Variants in IGSF11 observed in about 807,000 individuals in gnomAD.
The protein encoded by IGSF11 is immunoglobulin superfamily member 11.
In IGSF11, 22 loss-of-function variants were observed where a neutral mutation model predicts 41.0. The ratio of observed to expected loss-of-function variants is 0.54; its 90% CI spans 0.38 to 0.77. IGSF11 has a LOEUF of 0.77. Ranked by LOEUF, IGSF11 falls within the 30% of genes least tolerant of loss-of-function variation. The pLI is 0.00. For missense variants in IGSF11, 444 were observed against 530.8 expected (o/e 0.84, Z 1.61); for synonymous variants, 219 against 201.3 (o/e 1.09, Z -0.74).
chr3:119,085,118 TC>T (rs1559858767), intron 1 of IGSF11, among the ~76,000 whole-genome samples: 1 of 151,968 alleles, frequency 6.6e-6, no homozygotes, highest in Non-Finnish European at 1.5e-5. Context: ...GGGAGGTGGC[TC>T]CCCCAAGGCT....
chr3:119,012,983 C>T (rs1439120402), intron 1 of IGSF11: 1 of 152,396 alleles, frequency 6.6e-6, no homozygotes, highest in Non-Finnish European at 1.5e-5. Flanking sequence ...CATCTCCAGC[C>T]TCTGCTCCCC....
upstream of IGSF11, chr3:119,034,893 C>T (rs1940802466): frequency 1.8e-6 from 2 of 1,088,362 alleles, no homozygotes; most frequent in African/African-American, 1.6e-5. Flanking sequence ...CCAACTCACG[C>T]CCCGCTACTC....
At chr3:119,121,273 A>C (rs1044910267) in intron 1 of IGSF11, among the ~76,000 whole-genome samples, 2 of 152,194 alleles carry the variant, frequency 1.3e-5, no homozygotes, top group East Asian at 3.8e-4. Flanking sequence ...AGCTACTATT[A>C]ATGTGTCCAA....
At chr3:119,055,965 C>G (rs1941816272) in intron 1 of IGSF11, among the ~76,000 whole-genome samples, 1 of 152,098 alleles carries the variant, frequency 6.6e-6, no homozygotes, top group South Asian at 2.1e-4. Flanking sequence ...GGGACACGTT[C>G]AAAGCAGTGT....
intron 1 of IGSF11, among the ~76,000 whole-genome samples, chr3:119,079,780 G>A (rs756590363): frequency 8.5e-5 from 13 of 152,174 alleles, no homozygotes; most frequent in Non-Finnish European, 1.9e-4. Flanking sequence ...ATTAATTCAG[G>A]AACAGAACAT....
At position 119,088,613 on chromosome 3, in the gene IGSF11, T is replaced by C. The variant is rs2076715532; in HGVS notation, c.49+16531A>G. Among the ~76,000 whole-genome samples, 4 of 152,148 alleles carry C rather than the reference T, an allele frequency of 2.6e-5. No individual in the cohort carries two copies. In the South Asian group the frequency reaches 8.3e-4, roughly 32 times the overall value. The stretch of plus-strand genomic sequence containing the variant: ...AAAAAACTAAAATTTGAGAACTTAA[T>C]GAAACTGACATGCAAAAATCCATAC... On this transcript the variant is annotated intron_variant, in intron 1 of 6. Transcript: ENST00000354673.
chr3:118,912,711 A>G (rs78957755), intron 4 of IGSF11, among the ~76,000 whole-genome samples: 1 of 152,226 alleles, frequency 6.6e-6, no homozygotes, highest in Non-Finnish European at 1.5e-5. Flanking sequence ...CACAACAAAC[A>G]GGAGGATTAG....
intron 1 of IGSF11, among the ~76,000 whole-genome samples, chr3:118,986,795 A>G (rs1480302525): frequency 6.6e-6 from 1 of 152,232 alleles, no homozygotes; most frequent in Non-Finnish European, 1.5e-5. Flanking sequence ...AAGAACACAG[A>G]AATTGAGCAA....
At chr3:119,023,324 G>C (rs560631612) in intron 1 of IGSF11, among the ~76,000 whole-genome samples, 2 of 124,242 alleles carry the variant, frequency 1.6e-5, no homozygotes, top group South Asian at 5.4e-4. Flanking sequence ...ATAGTAAGAA[G>C]ATCACGAAGA....
At chr3:119,111,072 G>A (rs1156467574) in intron 1 of IGSF11, among the ~76,000 whole-genome samples, 37 of 151,950 alleles carry the variant, frequency 2.4e-4, no homozygotes, top group Admixed American at 2.4e-3. Flanking sequence ...ATGTGTCTTG[G>A]AGTTGCTCTT....
intron 1 of IGSF11, among the ~76,000 whole-genome samples, chr3:119,014,050 G>A (rs1294795811): frequency 3.3e-5 from 5 of 152,224 alleles, no homozygotes; most frequent in Non-Finnish European, 5.9e-5. Flanking sequence ...AGTGGAAGCT[G>A]AGCTTCATCT....
chr3:119,047,609 A>G lies in IGSF11; in HGVS notation c.49+57535T>C, dbSNP rs1303047901. Among the ~76,000 whole-genome samples, 4 of 152,176 alleles carry G rather than the reference A, an allele frequency of 2.6e-5. No homozygotes were observed. In the East Asian group the frequency reaches 5.8e-4, roughly 22 times the overall value. ...CCAATGAGACAGAAAGTCAACAAGG[A>G]TACCCAGGAATTGAACTCAGCTCTG... On this transcript the variant is annotated intron_variant, in intron 1 of 6. Transcript: ENST00000354673.
chr3:118,947,713 A>G (rs1944263423), intron 1 of IGSF11: 1 of 152,190 alleles, frequency 6.6e-6, no homozygotes, highest in Non-Finnish European at 1.5e-5. Flanking sequence ...ACATTACCAG[A>G]TTCCTAAACA....
rs111285368 is a variant in IGSF11 at position 118,942,433 on chromosome 3, A to G, written c.53-12158T>C. On this transcript the variant is annotated intron_variant, in intron 1 of 6. Coordinates refer to ENST00000393775, the MANE Select transcript of IGSF11 (RefSeq NM_001015887.3). ...TATCTGTGCTAGCAATAGAAGCTCAACATAGAACTTGTTCTGTCACGTTTC... is the reference window on the plus strand; with the variant it reads ...TATCTGTGCTAGCAATAGAAGCTCAGCATAGAACTTGTTCTGTCACGTTTC... Among the ~76,000 whole-genome samples, 1,297 of 152,336 alleles carry G rather than the reference A, an allele frequency of 8.5e-3. 25 individuals are homozygous for G. Among genetic ancestry groups the G allele is most frequent in the African/African-American group, 0.03 (1,243 of 41,576 alleles).
intron 1 of IGSF11, among the ~76,000 whole-genome samples, chr3:119,114,723 G>A (rs2077232456): frequency 1.3e-5 from 2 of 152,098 alleles, no homozygotes; most frequent in Non-Finnish European, 2.9e-5. Context: ...CTGTTACCCA[G>A]TTTCAAAGTT....
intron 1 of IGSF11, among the ~76,000 whole-genome samples, chr3:119,142,081 C>T (rs966790687): frequency 3.3e-5 from 5 of 152,026 alleles, no homozygotes; most frequent in African/African-American, 1.2e-4. Context: ...CAAAACCATC[C>T]TGACTAACAC....
At chr3:118,930,388 G>C in intron 1 of IGSF11, 113 bp from the exon 2 acceptor site, 1 of 1,016,966 alleles carries the variant, frequency 9.8e-7, no homozygotes, top group South Asian at 2.3e-5. Flanking sequence ...TATGTGAACA[G>C]ACTGACATGA....
intron 1 of IGSF11, among the ~76,000 whole-genome samples, chr3:119,120,043 A>T (rs570542054): frequency 6.6e-6 from 1 of 152,336 alleles, no homozygotes; most frequent in Admixed American, 6.5e-5. Context: ...CCTGGCAAAG[A>T]TGGCATCAGT....
At chr3:118,950,354 A>G (rs1344187571) in intron 1 of IGSF11, among the ~76,000 whole-genome samples, 1 of 152,204 alleles carries the variant, frequency 6.6e-6, no homozygotes, top group African/African-American at 2.4e-5. Flanking sequence ...CATTAAGGTT[A>G]AAATTTTGTT....
Sources: allele counts gnomAD v4.1 joint callset (sites outside exome capture counted in the v4.1 genomes callset), GRCh38; gene constraint gnomAD v4.1.1; transcripts MANE v1.5; gene names NCBI Gene and HGNC (gene_info 2026-07-23, HGNC 2026-07-21).